The following CNTNAP2 variants were observed in gnomAD, a reference collection of about 807,000 sequenced individuals.
The protein encoded by CNTNAP2 is contactin associated protein 2, also known as contactin-associated protein-like 2.
Under a neutral mutation model 155.2 loss-of-function variants are expected in CNTNAP2, and 98 were observed. The ratio of observed to expected loss-of-function variants is 0.63; its 90% CI spans 0.54 to 0.75. The LOEUF (loss-of-function observed/expected upper bound fraction) is 0.75. Among genes scored for constraint, CNTNAP2 ranks in the 30% least tolerant of loss-of-function variants. The pLI, the probability that CNTNAP2 is intolerant of heterozygous loss-of-function variation, is 0.00. For missense variants in CNTNAP2, 1,727 were observed against 1,688.1 expected (o/e 1.02, Z -0.40); for synonymous variants, 651 against 631.2 (o/e 1.03, Z -0.47).
At chr7:146,132,086 G>C (rs779045385) in intron 1 of CNTNAP2, among the ~76,000 whole-genome samples, 1 of 152,144 alleles carries the variant, frequency 6.6e-6, no homozygotes, top group Non-Finnish European at 1.5e-5. Context: ...TGCGAGAATG[G>C]ACTAATACAG....
chr7:146,551,313 A>G (rs949692563), intron 1 of CNTNAP2, among the ~76,000 whole-genome samples: 2 of 151,584 alleles, frequency 1.3e-5, no homozygotes, highest in Admixed American at 6.6e-5. Flanking sequence ...AACAGGCCCC[A>G]GTGTGTGATG....
chr7:147,561,110 G>C (rs76292553), intron 11 of CNTNAP2, among the ~76,000 whole-genome samples: 3 of 151,974 alleles, frequency 2.0e-5, no homozygotes, highest in South Asian at 4.2e-4. Flanking sequence ...CTCAGTGAAA[G>C]CTCTCTAATT....
At chr7:146,940,751 CTATA>C (rs199504169) in intron 3 of CNTNAP2, among the ~76,000 whole-genome samples, 27 of 150,558 alleles carry the variant, frequency 1.8e-4, no homozygotes, top group East Asian at 5.8e-4. Context: ...ACACACTGCA[CTATA>C]TATATATACA....
chr7:147,689,571 A>G (rs999925936), intron 13 of CNTNAP2, among the ~76,000 whole-genome samples: 2 of 152,196 alleles, frequency 1.3e-5, no homozygotes. Flanking sequence ...GACAGTTTTA[A>G]AATCTTCATT....
chr7:147,515,766 G>A (rs1236541214), intron 11 of CNTNAP2, among the ~76,000 whole-genome samples: 29 of 152,092 alleles, frequency 1.9e-4, no homozygotes, highest in Admixed American at 1.6e-3. Flanking sequence ...ATAGTGTCCA[G>A]AACATTAGTA....
At chr7:148,252,465 G>A (rs1299670174) in intron 20 of CNTNAP2, among the ~76,000 whole-genome samples, 14 of 152,090 alleles carry the variant, frequency 9.2e-5, no homozygotes, top group Non-Finnish European at 1.5e-5. Context: ...TTTCTTCTGT[G>A]GGTGATCTCT....
chr7:147,769,420 G>A (rs771162497), intron 13 of CNTNAP2, among the ~76,000 whole-genome samples: 2 of 152,046 alleles, frequency 1.3e-5, no homozygotes, highest in African/African-American at 2.4e-5. Context: ...TTTTTCTTCT[G>A]TTTGATTATT....
intron 4 of CNTNAP2, among the ~76,000 whole-genome samples, chr7:147,071,062 T>C (rs1203422701): frequency 2.0e-5 from 3 of 152,062 alleles, no homozygotes; most frequent in Admixed American, 6.5e-5. Flanking sequence ...GTGGGACTCT[T>C]GCTTGACTTC....
intron 18 of CNTNAP2, among the ~76,000 whole-genome samples, chr7:148,181,589 C>A (rs1795038279): frequency 1.3e-5 from 2 of 152,088 alleles, no homozygotes; most frequent in African/African-American, 4.8e-5. Context: ...TTTGAGAAAA[C>A]CTGGCCAATT....
At chr7:147,153,482 C>A (rs1801865430) in intron 8 of CNTNAP2, among the ~76,000 whole-genome samples, 3 of 151,958 alleles carry the variant, frequency 2.0e-5, no homozygotes, top group Admixed American at 1.3e-4. Context: ...AGGTGATAAA[C>A]CCATTTCAAA....
At chr7:148,244,403 G>A (rs988826920) in intron 20 of CNTNAP2, among the ~76,000 whole-genome samples, 2 of 152,090 alleles carry the variant, frequency 1.3e-5, no homozygotes, top group Non-Finnish European at 2.9e-5. Flanking sequence ...AGGAAGGTTG[G>A]TAATCTTTAG....
chr7:147,877,138 T>G (rs1799435825), intron 13 of CNTNAP2, among the ~76,000 whole-genome samples: 1 of 140,980 alleles, frequency 7.1e-6, no homozygotes, highest in South Asian at 2.1e-4. Flanking sequence ...CAACGAAGGC[T>G]TTTTTGTGTT....
chr7:147,431,478 C>A (rs916688466), intron 10 of CNTNAP2, among the ~76,000 whole-genome samples: 1 of 152,160 alleles, frequency 6.6e-6, no homozygotes, highest in African/African-American at 2.4e-5. Context: ...ATCTTGATTT[C>A]ACACATGTGC....
chr7:146,500,072 A>C (rs1375402969), intron 1 of CNTNAP2, among the ~76,000 whole-genome samples: 9 of 152,052 alleles, frequency 5.9e-5, no homozygotes. Flanking sequence ...CATCTTGCTG[A>C]ACTCATTTAT....
intron 1 of CNTNAP2, among the ~76,000 whole-genome samples, chr7:146,389,568 C>A (rs1446004282): frequency 1.3e-5 from 2 of 151,326 alleles, no homozygotes; most frequent in East Asian, 3.9e-4. Context: ...AAAATAAGAG[C>A]TTTTTCTTGT....
intron 13 of CNTNAP2, among the ~76,000 whole-genome samples, chr7:147,650,942 A>C (rs1319722080): frequency 6.6e-6 from 1 of 152,198 alleles, no homozygotes; most frequent in Non-Finnish European, 1.5e-5. Context: ...TAGAATTCAT[A>C]ATGACTTCCA....
chr7:147,464,051 A>G (rs1262009271), intron 10 of CNTNAP2, among the ~76,000 whole-genome samples: 1 of 151,508 alleles, frequency 6.6e-6, no homozygotes, highest in Non-Finnish European at 1.5e-5. Flanking sequence ...GACAATACAT[A>G]TGTGTGTGCT....
At chr7:147,968,210 C>G (rs1011869484) in intron 14 of CNTNAP2, among the ~76,000 whole-genome samples, 2 of 152,264 alleles carry the variant, frequency 1.3e-5, no homozygotes, top group East Asian at 3.9e-4. Flanking sequence ...CAAAGAAAAA[C>G]GTTTTGCAAA....
At chr7:148,343,731 G>A (rs772727619) in intron 21 of CNTNAP2, among the ~76,000 whole-genome samples, 1 of 152,176 alleles carries the variant, frequency 6.6e-6, no homozygotes, top group Non-Finnish European at 1.5e-5. Flanking sequence ...CTGGCAAAAG[G>A]ATGATTGACA....
Sources: allele counts gnomAD v4.1 joint callset (sites outside exome capture counted in the v4.1 genomes callset), GRCh38; gene constraint gnomAD v4.1.1; transcripts MANE v1.5; gene names NCBI Gene and HGNC (gene_info 2026-07-23, HGNC 2026-07-21).